The following SPATA16 variants were observed in gnomAD, a reference collection of about 807,000 sequenced individuals.
SPATA16 encodes the protein spermatogenesis-associated protein 16.
Under a neutral mutation model 63.3 loss-of-function variants are expected in SPATA16, and 36 were observed. The observed-to-expected ratio is 0.57, with a 90% CI of 0.44 to 0.75. The LOEUF is 0.75. Ranked by LOEUF, SPATA16 falls within the 30% of genes least tolerant of loss-of-function variation. SPATA16 has a pLI of 0.00. For missense variants in SPATA16, 646 were observed against 679.3 expected (o/e 0.95, Z 0.54); for synonymous variants, 203 against 216.7 (o/e 0.94, Z 0.56).
intron 3 of SPATA16, among the ~76,000 whole-genome samples, chr3:173,044,338 A>G (rs914933193): frequency 1.3e-5 from 2 of 152,134 alleles, no homozygotes; most frequent in African/African-American, 4.8e-5. Flanking sequence ...TTTGTCTTCA[A>G]CTTCACTAGT....
At chr3:173,068,187 A>G (rs1736569853) in intron 2 of SPATA16, among the ~76,000 whole-genome samples, 1 of 152,234 alleles carries the variant, frequency 6.6e-6, no homozygotes, top group Non-Finnish European at 1.5e-5. Flanking sequence ...TATACAAACA[A>G]ACAGAATACT....
At chr3:173,130,651 A>G (rs919224940) in intron 1 of SPATA16, among the ~76,000 whole-genome samples, 1 of 152,226 alleles carries the variant, frequency 6.6e-6, no homozygotes, top group Non-Finnish European at 1.5e-5. Context: ...TGATCTGTTT[A>G]TCTACATATG....
Position 172,925,370 on chromosome 3 carries a change from T to G in SPATA16, c.1204A>C (p.Ser402Arg). ...DDGKFLEKIS[S>R]RKLPIFTEHK... ...CCTGTGAATATCGGCAGCTTCCTGC[T>G]TGATATTTTTTCCAAAAATTTTCCA... Residue 402 changes from serine to arginine, a missense_variant, in exon 7 of 11, where the codon AGC becomes CGC. By Grantham distance (110) the Ser-to-Arg change is moderately radical. Coordinates refer to ENST00000351008, the MANE Select transcript of SPATA16 (RefSeq NM_031955.6). The G allele has an allele frequency of 6.2e-7, 1 of 1,614,004 alleles. No individual in the cohort carries two copies. The highest frequency in any genetic ancestry group is 1.1e-5 in the South Asian group (1 of 91,076).
chr3:172,927,825 A>G (rs1462266241), intron 6 of SPATA16, among the ~76,000 whole-genome samples: 1 of 152,212 alleles, frequency 6.6e-6, no homozygotes, highest in East Asian at 1.9e-4. Context: ...AAAGTATACT[A>G]AATGCTGAAG....
At chr3:173,112,048 TTA>T (rs746848320) in intron 2 of SPATA16, among the ~76,000 whole-genome samples, 3 of 152,228 alleles carry the variant, frequency 2.0e-5, no homozygotes, top group Non-Finnish European at 2.9e-5. Flanking sequence ...GCTCCATATT[TTA>T]TGATTCAATG....
At chr3:173,138,670 A>G (rs1472111072) in intron 1 of SPATA16, among the ~76,000 whole-genome samples, 1 of 152,178 alleles carries the variant, frequency 6.6e-6, no homozygotes, top group Non-Finnish European at 1.5e-5. Flanking sequence ...ATTTCCTTTC[A>G]ACTGGCCTAC....
chr3:172,989,450 A>G (rs897734999), intron 4 of SPATA16, among the ~76,000 whole-genome samples: 2 of 152,182 alleles, frequency 1.3e-5, no homozygotes, highest in African/African-American at 2.4e-5. Flanking sequence ...ATTTTTCATC[A>G]GAGTAACAGA....
intron 2 of SPATA16, among the ~76,000 whole-genome samples, chr3:173,050,656 A>G (rs1675003458): frequency 6.6e-6 from 1 of 152,122 alleles, no homozygotes; most frequent in Non-Finnish European, 1.5e-5. Flanking sequence ...GTAATAATAT[A>G]CAAATGATAA....
At chr3:172,907,536 C>G (rs1267234789) in intron 10 of SPATA16, among the ~76,000 whole-genome samples, 4 of 151,778 alleles carry the variant, frequency 2.6e-5, no homozygotes, top group Non-Finnish European at 5.9e-5. Context: ...CTTGCTGTTC[C>G]TTGTGCATGT....
At chr3:173,004,001 G>C (rs1231736550) in intron 4 of SPATA16, among the ~76,000 whole-genome samples, 1 of 152,088 alleles carries the variant, frequency 6.6e-6, no homozygotes. Context: ...TGCAATTCTG[G>C]GAGTAGAACA....
At chr3:172,944,760 T>C (rs1733241005) in intron 6 of SPATA16, among the ~76,000 whole-genome samples, 1 of 152,194 alleles carries the variant, frequency 6.6e-6, no homozygotes, top group African/African-American at 2.4e-5. Context: ...TACTATATGA[T>C]TCCACTTGGA....
intron 5 of SPATA16, among the ~76,000 whole-genome samples, chr3:172,962,443 T>C (rs1733812322): frequency 6.6e-6 from 1 of 152,020 alleles, no homozygotes; most frequent in Non-Finnish European, 1.5e-5. Flanking sequence ...GGGTTGTTTG[T>C]TATAGTAGCC....
chr3:173,081,064 A>AT (rs1231551132), intron 2 of SPATA16, among the ~76,000 whole-genome samples: 9 of 152,184 alleles, frequency 5.9e-5, no homozygotes, highest in African/African-American at 1.9e-4. Flanking sequence ...CTCCCTGGGC[A>AT]TTGTTTAATA....
intron 5 of SPATA16, among the ~76,000 whole-genome samples, chr3:172,964,370 A>G (rs1733859801): frequency 6.6e-6 from 1 of 152,226 alleles, no homozygotes; most frequent in South Asian, 2.1e-4. Context: ...TTCTGCTTGC[A>G]CATTAGAGAA....
intron 2 of SPATA16, among the ~76,000 whole-genome samples, chr3:173,115,979 A>G (rs928176657): frequency 2.6e-5 from 4 of 151,106 alleles, no homozygotes; most frequent in Non-Finnish European, 5.9e-5. Flanking sequence ...TGCACTCTCG[A>G]CCTCTTGGGC....
intron 2 of SPATA16, among the ~76,000 whole-genome samples, chr3:173,056,353 C>A (rs1030487274): frequency 2.6e-5 from 4 of 151,996 alleles, no homozygotes; most frequent in African/African-American, 9.7e-5. Context: ...TCAAAAAGAG[C>A]AAATGTGGAT....
intron 9 of SPATA16, among the ~76,000 whole-genome samples, chr3:172,914,277 C>T (rs77346063): frequency 0.046 from 6,947 of 152,024 alleles, 202 homozygotes; most frequent in South Asian, 0.096. Context: ...AGGTCCCATT[C>T]GAAGGCAAGT....
chr3:173,012,211 C>G (rs1442179114), intron 4 of SPATA16, among the ~76,000 whole-genome samples: 1 of 152,050 alleles, frequency 6.6e-6, no homozygotes, highest in Non-Finnish European at 1.5e-5. Context: ...AAATGAAATA[C>G]CTAGGAACAC....
intron 3 of SPATA16, among the ~76,000 whole-genome samples, chr3:173,029,406 G>GTTTTTTT (rs57233262): frequency 2.4e-4 from 34 of 139,834 alleles, no homozygotes; most frequent in African/African-American, 4.1e-4. Context: ...AGTAATCAGA[G>GTTTTTTT]TTTTTTTTTT....
Sources: gnomAD v4.1 joint callset for allele counts (sites outside exome capture counted in the v4.1 genomes callset) on GRCh38, gnomAD v4.1.1 for gene constraint, MANE v1.5 for transcripts, NCBI Gene and HGNC (gene_info 2026-07-23, HGNC 2026-07-21) for gene names.